Variants in SMARCA2 observed in about 807,000 individuals in gnomAD.
SMARCA2 encodes SWI/SNF related BAF chromatin remodeling complex subunit ATPase 2.
SMARCA2 carries 61 observed loss-of-function variants against 199.8 expected under a neutral mutation model. The ratio of observed to expected loss-of-function variants is 0.31; its 90% CI spans 0.25 to 0.38. SMARCA2 has a LOEUF of 0.38. SMARCA2 is among the 10% of genes least tolerant of loss of function. SMARCA2 has a pLI of 1.00. For missense variants in SMARCA2, 1,344 were observed against 2,012.2 expected (o/e 0.67, Z 6.35); for synonymous variants, 935 against 732.0 (o/e 1.28, Z -4.48).
intron 2 of SMARCA2, among the ~76,000 whole-genome samples, chr9:2,031,322 T>C (rs1205741684): frequency 6.6e-6 from 1 of 152,202 alleles, no homozygotes. Flanking sequence ...CATATTGACA[T>C]CCAAGTCCTG....
rs1819524623 is a variant in SMARCA2 at position 2,039,852 on chromosome 9, A to C, written c.742A>C (p.Thr248Pro). ...GCAGCAGCAGCCGCCGCAACCACAG[A>C]CGCAGCAACAACAGCAGCCGGCCCT... ...QPQQQPPQPQTQQQQQPALVN... is the reference protein window; with the variant it reads ...QPQQQPPQPQPQQQQQPALVN... The change falls in exon 4 of 34, where the codon ACG becomes CCG. Residue 248 changes from threonine to proline, a missense_variant. Thr to Pro is a conservative substitution (Grantham distance 38). Transcript: ENST00000349721. The surrounding 1 kb of genome is among the most constrained non-coding windows in gnomAD (Gnocchi z 4.8). 6.2e-7 allele frequency: 1 copy of C among 1,613,138 alleles called. No homozygotes were observed. Among genetic ancestry groups the C allele is most frequent in the South Asian group, 1.1e-5 (1 of 90,966 alleles).
chr9:2,192,726 C>T lies in SMARCA2; in HGVS notation c.4760C>T (p.Thr1587Met), dbSNP rs753433101. Reference protein sequence around the residue: ...DEREQSEGSGTDDE With the variant: ...DEREQSEGSGMDDE Reference sequence around the variant, plus strand: ...TAGGAACAGTCAGAAGGAAGTGGGACGGATGATGAGTGATCAGTATGGACC... The same window carrying T: ...TAGGAACAGTCAGAAGGAAGTGGGATGGATGATGAGTGATCAGTATGGACC... The change falls in exon 34 of 34, where the codon ACG (threonine) becomes ATG (methionine). Residue 1587 changes from threonine (T) to methionine (M), a missense_variant. Physicochemically the swap from Thr to Met is moderately conservative, Grantham distance 81. Transcript: ENST00000349721. 9.3e-6 allele frequency: 15 copies of T among 1,608,898 alleles called. No individual in the cohort carries two copies. Among genetic ancestry groups the T allele is most frequent in the Non-Finnish European group, 1.2e-5 (14 of 1,175,254 alleles).
At chr9:2,102,559 T>G (rs913895356) in intron 22 of SMARCA2, among the ~76,000 whole-genome samples, 11 of 152,206 alleles carry the variant, frequency 7.2e-5, no homozygotes. Flanking sequence ...CAGTATCACC[T>G]AAAATTCGGT....
chr9:2,020,770 T>C (rs1238064096), intron 1 of SMARCA2, among the ~76,000 whole-genome samples: 1 of 152,116 alleles, frequency 6.6e-6, no homozygotes. Flanking sequence ...TAATTGTACC[T>C]CAGAAAAACA....
In SMARCA2 at chr9:2,062,281, G is replaced by T. The variant is rs151251606; in HGVS notation, c.1692+1295G>T. Among the ~76,000 whole-genome samples, 155 of 152,302 alleles carry T rather than the reference G, an allele frequency of 1.0e-3. 1 individual carries two copies. Among genetic ancestry groups the T allele is most frequent in the African/African-American group, 3.2e-3 (133 of 41,562 alleles). ...TAGCAGAGAGAGAGATGGAATTCTG[G>T]AATATTCTGTAAGTGGACCCCATTA... On this transcript the variant is annotated intron_variant, in intron 9 of 33. Transcript: ENST00000349721.
chr9:2,046,585 G>C (rs1217193711), intron 4 of SMARCA2, among the ~76,000 whole-genome samples: 2 of 152,298 alleles, frequency 1.3e-5, no homozygotes, highest in South Asian at 4.1e-4. Flanking sequence ...TGTGCTCCTT[G>C]TAGTTCACAT....
chr9:2,143,391 A>C (rs2130693772), intron 27 of SMARCA2, among the ~76,000 whole-genome samples: 1 of 152,328 alleles, frequency 6.6e-6, no homozygotes, highest in South Asian at 2.1e-4. Context: ...AAGAGTTCAA[A>C]GCCTGAGCGT....
intron 27 of SMARCA2, among the ~76,000 whole-genome samples, chr9:2,155,596 A>T (rs1825315632): frequency 6.6e-6 from 1 of 151,848 alleles, no homozygotes; most frequent in Admixed American, 6.6e-5. Context: ...CGTTTTTCCA[A>T]CCAAATTGCT....
In SMARCA2 at chr9:2,033,001, G is replaced by T. The variant is rs1237224241; in HGVS notation, c.275G>T (p.Gly92Val). The T allele has an allele frequency of 6.2e-7, 1 of 1,613,984 alleles. No individual in the cohort carries two copies. The highest frequency in any genetic ancestry group is 1.3e-5 in the African/African-American group (1 of 75,036). Residue 92 changes from glycine (G) to valine (V), a missense_variant, in exon 3 of 34, where the codon GGA becomes GTA. Around this residue, in one of 18 missense-constraint regions of SMARCA2, gnomAD observed 275 missense variants for 247.5 expected, o/e 1.11. Coordinates refer to ENST00000349721, the MANE Select transcript of SMARCA2 (RefSeq NM_003070.5). ...GGGATTGTAGAAGACATCCATTGTGGATCCATGAAGGGCACTGGTATGCGA... is the reference window on the plus strand; with the variant it reads ...GGGATTGTAGAAGACATCCATTGTGTATCCATGAAGGGCACTGGTATGCGA... ...DKGIVEDIHCGSMKGTGMRPP... is the reference protein window; with the variant it reads ...DKGIVEDIHCVSMKGTGMRPP...
intron 9 of SMARCA2, among the ~76,000 whole-genome samples, chr9:2,065,243 A>G (rs992704403): frequency 1.3e-5 from 2 of 152,208 alleles, no homozygotes; most frequent in African/African-American, 4.8e-5. Context: ...ACATCAGCCA[A>G]AACTAAATAT....
At chr9:2,151,741 A>G (rs1012597198) in intron 27 of SMARCA2, among the ~76,000 whole-genome samples, 1 of 152,144 alleles carries the variant, frequency 6.6e-6, no homozygotes, top group African/African-American at 2.4e-5. Flanking sequence ...TCAAAAATAA[A>G]AAATAAATGA....
chr9:2,050,829 C>T (rs553871180), intron 5 of SMARCA2, among the ~76,000 whole-genome samples: 56 of 152,320 alleles, frequency 3.7e-4, no homozygotes, highest in Non-Finnish European at 7.1e-4. Context: ...TCATAAACTT[C>T]TCCTCTGGAC....
chr9:2,024,501 C>T (rs1818741910), intron 1 of SMARCA2, among the ~76,000 whole-genome samples: 1 of 152,190 alleles, frequency 6.6e-6, no homozygotes, highest in Non-Finnish European at 1.5e-5. Context: ...GTAACTAAAA[C>T]ATCATCGACC....
At chr9:2,120,469 T>C (rs1823408463) in intron 26 of SMARCA2, among the ~76,000 whole-genome samples, 1 of 152,192 alleles carries the variant, frequency 6.6e-6, no homozygotes, top group African/African-American at 2.4e-5. Flanking sequence ...GATCTCTAGA[T>C]TTTAAAACAC....
intron 27 of SMARCA2, chr9:2,160,005 T>C: frequency 6.6e-7 from 1 of 1,510,920 alleles, no homozygotes; most frequent in South Asian, 1.2e-5. Context: ...GTGTTCTCCG[T>C]ATTTCTGTGT....
chr9:2,095,587 G>C (rs997510502), intron 19 of SMARCA2, among the ~76,000 whole-genome samples: 1 of 152,180 alleles, frequency 6.6e-6, no homozygotes, highest in African/African-American at 2.4e-5. Flanking sequence ...TTCTGTAAAA[G>C]AGCGGGCTTT....
intron 10 of SMARCA2, chr9:2,072,113 G>C (rs1821114480): frequency 6.6e-6 from 1 of 152,160 alleles, no homozygotes; most frequent in African/African-American, 2.4e-5. Context: ...TCTCCTGTAA[G>C]ATATAGAAGA....
At chr9:2,071,286 C>G (rs377072264) in intron 10 of SMARCA2, among the ~76,000 whole-genome samples, 75 of 152,252 alleles carry the variant, frequency 4.9e-4, no homozygotes, top group African/African-American at 1.7e-3. Flanking sequence ...ATGCAGAAAC[C>G]TCTTGAACAA....
chr9:2,160,565 T>C lies in SMARCA2; in HGVS notation c.3982-1121T>C, dbSNP rs776024742. 3 of 701,710 alleles carry C rather than the reference T, an allele frequency of 4.3e-6. No homozygotes were observed. In the South Asian group the frequency reaches 4.4e-5, roughly 10 times the overall value. 43.5% of individuals were successfully genotyped at this position (701,710 alleles called of 1,614,324 possible). On this transcript the variant is annotated intron_variant, in intron 27 of 33. Transcript: ENST00000349721. ...CTGTAATCACTCTTTATATTGATTGTTATACTCACATGATCATAAATATTA... is the reference window on the plus strand; with the variant it reads ...CTGTAATCACTCTTTATATTGATTGCTATACTCACATGATCATAAATATTA...
Sources: gnomAD v4.1 joint callset for allele counts (sites outside exome capture counted in the v4.1 genomes callset) on GRCh38, gnomAD v4.1.1 for gene constraint, gnomAD v4.1.1 regional missense constraint, Gnocchi (gnomAD v3.1) non-coding constraint, MANE v1.5 for transcripts, NCBI Gene and HGNC (gene_info 2026-07-23, HGNC 2026-07-21) for gene names.